SCHIP1: variants seen among roughly 807,000 people sequenced by gnomAD.
SCHIP1 encodes the protein schwannomin interacting protein 1.
A neutral mutation model predicts 29.7 loss-of-function variants in SCHIP1; 8 were observed. That is an observed-to-expected ratio of 0.27 (90% confidence interval 0.16 to 0.49). The LOEUF (loss-of-function observed/expected upper bound fraction) is 0.49, where lower values mean the gene tolerates loss of function less well. Among genes scored for constraint, SCHIP1 ranks in the 20% least tolerant of loss-of-function variants. The pLI, the probability that SCHIP1 is intolerant of heterozygous loss-of-function variation, is 0.99. For missense variants in SCHIP1, 193 were observed against 294.6 expected (o/e 0.66, Z 2.52); for synonymous variants, 76 against 94.9 (o/e 0.80, Z 1.16).
At chr3:159,430,809 G>C in the SCHIP1 span, among the ~76,000 whole-genome samples, 1 of 152,028 alleles carries the variant, frequency 6.6e-6, no homozygotes, top group Non-Finnish European at 1.5e-5. Flanking sequence ...GCAAAAGAGT[G>C]GACTGATCTG....
chr3:159,326,067 C>T, the SCHIP1 span, among the ~76,000 whole-genome samples: 3 of 152,008 alleles, frequency 2.0e-5, no homozygotes, highest in Non-Finnish European at 4.4e-5. Context: ...TTAGGAAATA[C>T]TGTTATTCCC....
At chr3:159,477,361 T>C in the SCHIP1 span, among the ~76,000 whole-genome samples, 1 of 152,146 alleles carries the variant, frequency 6.6e-6, no homozygotes, top group Non-Finnish European at 1.5e-5. Context: ...AACCCCCATA[T>C]CATTTTCCAT....
At chr3:159,602,330 C>T in the SCHIP1 span, among the ~76,000 whole-genome samples, 10 of 152,136 alleles carry the variant, frequency 6.6e-5, no homozygotes, top group Non-Finnish European at 1.5e-4. Flanking sequence ...GTAATTTTGG[C>T]TCTTCTTTCT....
chr3:159,503,225 G>C, the SCHIP1 span, among the ~76,000 whole-genome samples: 1 of 152,112 alleles, frequency 6.6e-6, no homozygotes, highest in East Asian at 1.9e-4. Context: ...CATTTGGGAG[G>C]CATGGTGACA....
the SCHIP1 span, among the ~76,000 whole-genome samples, chr3:159,754,861 A>G: frequency 5.4e-3 from 827 of 152,316 alleles, 3 homozygotes; most frequent in African/African-American, 0.019. Flanking sequence ...CCTGCTTTTC[A>G]TTCCGATTTT....
At chr3:159,273,650 A>G in the SCHIP1 span, 5 of 1,364,308 alleles carry the variant, frequency 3.7e-6, no homozygotes, top group Admixed American at 9.7e-5. Context: ...CTGCTTGAGC[A>G]TGGTGGTTGA....
At chr3:159,625,980 T>C in the SCHIP1 span, among the ~76,000 whole-genome samples, 1 of 151,586 alleles carries the variant, frequency 6.6e-6, no homozygotes, top group Non-Finnish European at 1.5e-5. Context: ...ACAGCAGCTT[T>C]CCCCTCAGGA....
At chr3:159,274,625 ATAT>A in the SCHIP1 span, 3 of 825,750 alleles carry the variant, frequency 3.6e-6, no homozygotes, top group African/African-American at 1.9e-5. Context: ...TAGTTCTATG[ATAT>A]TATTATATGA....
the SCHIP1 span, chr3:159,375,912 T>G: frequency 4.8e-6 from 1 of 207,930 alleles, no homozygotes; most frequent in Non-Finnish European, 8.4e-6. Flanking sequence ...AAATGTGCCC[T>G]TTTCCAATAA....
At chr3:159,848,149 A>G (rs2109075874) in intron 1 of SCHIP1, among the ~76,000 whole-genome samples, 1 of 152,356 alleles carries the variant, frequency 6.6e-6, no homozygotes, top group East Asian at 1.9e-4. Context: ...GTGCCTTTCA[A>G]TTCAGATCAT....
the SCHIP1 span, among the ~76,000 whole-genome samples, chr3:159,405,815 G>A: frequency 2.3e-3 from 356 of 151,500 alleles, no homozygotes; most frequent in East Asian, 0.016. Flanking sequence ...CCCAGTAGGC[G>A]GAGGTTGCAG....
the SCHIP1 span, among the ~76,000 whole-genome samples, chr3:159,725,848 T>C: frequency 6.6e-6 from 1 of 152,146 alleles, no homozygotes; most frequent in Non-Finnish European, 1.5e-5. Context: ...TAAGGTAAAA[T>C]TTAAATACTC....
At chr3:159,402,796 A>G in the SCHIP1 span, among the ~76,000 whole-genome samples, 1 of 152,050 alleles carries the variant, frequency 6.6e-6, no homozygotes, top group Non-Finnish European at 1.5e-5. Flanking sequence ...TGGGGGGAGC[A>G]GGGAGGGATA....
the SCHIP1 span, among the ~76,000 whole-genome samples, chr3:159,559,089 C>G: frequency 6.6e-6 from 1 of 152,158 alleles, no homozygotes; most frequent in African/African-American, 2.4e-5. Context: ...CCCAAAAGAA[C>G]AGAAGAATGG....
the SCHIP1 span, chr3:159,768,195 A>G: frequency 1.3e-5 from 2 of 152,274 alleles, no homozygotes; most frequent in East Asian, 3.9e-4. Flanking sequence ...GAAAGGAAGG[A>G]GCTCCCACCT....
At chr3:159,474,744 T>C in the SCHIP1 span, among the ~76,000 whole-genome samples, 1 of 152,144 alleles carries the variant, frequency 6.6e-6, no homozygotes, top group Admixed American at 6.6e-5. Flanking sequence ...TCCCACCTAA[T>C]AGCCAAACAA....
chr3:159,316,185 G>GAT, the SCHIP1 span, among the ~76,000 whole-genome samples: 476 of 150,866 alleles, frequency 3.2e-3, 1 homozygote, highest in African/African-American at 8.3e-3. Context: ...GAACTAATAG[G>GAT]ATATATATAT....
At chr3:159,546,294 G>C in the SCHIP1 span, among the ~76,000 whole-genome samples, 1 of 152,012 alleles carries the variant, frequency 6.6e-6, no homozygotes, top group African/African-American at 2.4e-5. Flanking sequence ...CCAATTTCTG[G>C]GGGAAAGGAG....
At chr3:159,764,561 C>T in the SCHIP1 span, 2 of 1,602,558 alleles carry the variant, frequency 1.2e-6, no homozygotes, top group Non-Finnish European at 1.7e-6. This position sits in a 1 kb window ranked among gnomAD's most constrained non-coding sequence, Gnocchi z 6.1. Flanking sequence ...TGCAAATCTT[C>T]ATCGTCGCCG....
Sources: gnomAD v4.1 joint callset for allele counts (sites outside exome capture counted in the v4.1 genomes callset) on GRCh38, gnomAD v4.1.1 for gene constraint, Gnocchi (gnomAD v3.1) non-coding constraint, MANE v1.5 for transcripts, NCBI Gene and HGNC (gene_info 2026-07-23, HGNC 2026-07-21) for gene names.